The following QTMAN variants were observed in gnomAD, a reference collection of about 807,000 sequenced individuals.
QTMAN encodes tRNA-queuosine alpha-mannosyltransferase.
chr2:144,100,766 T>A, the QTMAN span, among the ~76,000 whole-genome samples: 1 of 152,156 alleles, frequency 6.6e-6, no homozygotes, highest in Non-Finnish European at 1.5e-5. Context: ...ATTAACTTGC[T>A]TAATGTCTCA....
chr2:144,273,300 CA>C, the QTMAN span, among the ~76,000 whole-genome samples: 1 of 152,006 alleles, frequency 6.6e-6, no homozygotes, highest in South Asian at 2.1e-4. Flanking sequence ...AAAACTTCTC[CA>C]GGGGACTCCT....
chr2:143,995,283 G>A, the QTMAN span, among the ~76,000 whole-genome samples: 8 of 152,060 alleles, frequency 5.3e-5, no homozygotes, highest in African/African-American at 1.9e-4. Flanking sequence ...TGAAAATGAA[G>A]ATGAAAAAAG....
the QTMAN span, among the ~76,000 whole-genome samples, chr2:144,077,124 G>A: frequency 1.3e-5 from 2 of 151,300 alleles, no homozygotes; most frequent in African/African-American, 4.9e-5. Context: ...AGACCTTTAT[G>A]TTACCTCACT....
chr2:144,135,831 T>C, the QTMAN span, among the ~76,000 whole-genome samples: 1 of 152,310 alleles, frequency 6.6e-6, no homozygotes, highest in South Asian at 2.1e-4. Context: ...ACTATCTATA[T>C]GTGTGATCAC....
the QTMAN span, among the ~76,000 whole-genome samples, chr2:144,255,606 A>G: frequency 1.6e-4 from 25 of 152,270 alleles, no homozygotes; most frequent in African/African-American, 6.0e-4. Flanking sequence ...ACAAGGTTGC[A>G]AAAGTTGTAA....
chr2:143,957,391 TATGAG>T, the QTMAN span: 11 of 1,185,352 alleles, frequency 9.3e-6, no homozygotes, highest in Admixed American at 2.5e-4. Flanking sequence ...TGTAAAATGA[TATGAG>T]ATGTCAGCAG....
At chr2:144,253,240 A>C in the QTMAN span, among the ~76,000 whole-genome samples, 1 of 152,204 alleles carries the variant, frequency 6.6e-6, no homozygotes, top group Non-Finnish European at 1.5e-5. Flanking sequence ...CATGCAGAAC[A>C]GTGAGTCAAT....
chr2:144,325,530 C>T, the QTMAN span, among the ~76,000 whole-genome samples: 3 of 151,484 alleles, frequency 2.0e-5, no homozygotes, highest in Admixed American at 2.0e-4. Flanking sequence ...AAAAAAAAAT[C>T]AAGATTGAGG....
At chr2:144,199,985 C>T in the QTMAN span, among the ~76,000 whole-genome samples, 4 of 152,192 alleles carry the variant, frequency 2.6e-5, no homozygotes, top group African/African-American at 9.6e-5. Flanking sequence ...TTCTTTCAAA[C>T]ACAAGTGATT....
At chr2:143,939,125 C>A in the QTMAN span, 1 of 152,162 alleles carries the variant, frequency 6.6e-6, no homozygotes, top group Admixed American at 6.5e-5. Flanking sequence ...TGTGGTTTAG[C>A]CACATGCTCT....
At chr2:143,988,174 A>G in the QTMAN span, among the ~76,000 whole-genome samples, 1 of 152,214 alleles carries the variant, frequency 6.6e-6, no homozygotes, top group African/African-American at 2.4e-5. Context: ...CTATGGAAAC[A>G]GGAGAGGAAC....
chr2:144,305,247 T>C, the QTMAN span, among the ~76,000 whole-genome samples: 1 of 152,218 alleles, frequency 6.6e-6, no homozygotes, highest in South Asian at 2.1e-4. Flanking sequence ...TTCATTTGGG[T>C]CCATAATCCA....
chr2:144,287,640 C>T, the QTMAN span, among the ~76,000 whole-genome samples: 1 of 152,050 alleles, frequency 6.6e-6, no homozygotes, highest in Non-Finnish European at 1.5e-5. Context: ...TCCTACTAAA[C>T]CTAGATCTAT....
chr2:143,955,737 G>A, the QTMAN span, among the ~76,000 whole-genome samples: 1 of 152,190 alleles, frequency 6.6e-6, no homozygotes, highest in African/African-American at 2.4e-5. Flanking sequence ...AAAAGATCAT[G>A]ACCACCCACT....
the QTMAN span, among the ~76,000 whole-genome samples, chr2:144,038,013 T>C: frequency 2.0e-5 from 3 of 152,224 alleles, no homozygotes; most frequent in East Asian, 1.9e-4. Context: ...GATCAAAATA[T>C]CAATCTCTCT....
the QTMAN span, among the ~76,000 whole-genome samples, chr2:143,951,367 AAAG>A: frequency 2.0e-5 from 3 of 151,632 alleles, no homozygotes; most frequent in Non-Finnish European, 4.4e-5. Flanking sequence ...CAAATAAAGA[AAAG>A]AAGATAACGA....
At chr2:144,134,531 C>G in the QTMAN span, among the ~76,000 whole-genome samples, 1 of 152,068 alleles carries the variant, frequency 6.6e-6, no homozygotes, top group African/African-American at 2.4e-5. Flanking sequence ...GTAAAATCTA[C>G]TACAAATTGA....
chr2:144,174,725 C>G, the QTMAN span, among the ~76,000 whole-genome samples: 2 of 152,144 alleles, frequency 1.3e-5, no homozygotes, highest in Non-Finnish European at 2.9e-5. Flanking sequence ...AAGGGCAGTT[C>G]CCTAACACAC....
the QTMAN span, among the ~76,000 whole-genome samples, chr2:144,325,728 C>A: frequency 6.6e-6 from 1 of 152,204 alleles, no homozygotes; most frequent in Non-Finnish European, 1.5e-5. Context: ...CTCGCCTCTA[C>A]ACATATACAC....
Sources: allele counts gnomAD v4.1 joint callset (sites outside exome capture counted in the v4.1 genomes callset), GRCh38; gene constraint gnomAD v4.1.1; transcripts MANE v1.5; gene names NCBI Gene and HGNC (gene_info 2026-07-23, HGNC 2026-07-21).